The following GPC5 variants were observed in gnomAD, a reference collection of about 807,000 sequenced individuals.
GPC5 encodes glypican 5, also known as glypican-5.
GPC5 carries 47 observed loss-of-function variants against 53.9 expected under a neutral mutation model. The observed-to-expected ratio is 0.87, with a 90% confidence interval of 0.69 to 1.11. The LOEUF (loss-of-function observed/expected upper bound fraction) is 1.11, where lower values mean the gene tolerates loss of function less well. Ranked by LOEUF, GPC5 falls within the 50% of genes most tolerant of loss-of-function variation. The probability of loss-of-function intolerance (pLI) is 0.00; values close to 1 mark genes in which losing one functional copy is unlikely to be tolerated. For missense variants in GPC5, 748 were observed against 713.1 expected, an observed-to-expected ratio of 1.05 and a Z score of -0.56; for synonymous variants, 286 against 263.3, an observed-to-expected ratio of 1.09 and a Z score of -0.84.
At chr13:92,706,473 GA>G (rs1887955491) in intron 7 of GPC5, among the ~76,000 whole-genome samples, 1 of 152,030 alleles carries the variant, frequency 6.6e-6, no homozygotes, top group African/African-American at 2.4e-5. Context: ...ACTAGTGTTG[GA>G]AAATGAAGGT....
At chr13:92,560,867 G>GTGTGTGTGTT (rs1555290512) in intron 7 of GPC5, among the ~76,000 whole-genome samples, 1 of 149,254 alleles carries the variant, frequency 6.7e-6, no homozygotes, top group Non-Finnish European at 1.5e-5. Flanking sequence ...ATGTGTGTGT[G>GTGTGTGTGTT]TGTGTGTGTG....
At chr13:92,795,229 C>T (rs1876625444) in intron 7 of GPC5, among the ~76,000 whole-genome samples, 1 of 152,036 alleles carries the variant, frequency 6.6e-6, no homozygotes, top group Admixed American at 6.6e-5. Context: ...TAAATAACAC[C>T]ACACATCTAC....
At chr13:92,149,887 A>G (rs1189826582) in intron 7 of GPC5, among the ~76,000 whole-genome samples, 3 of 151,956 alleles carry the variant, frequency 2.0e-5, no homozygotes, top group Non-Finnish European at 4.4e-5. Context: ...TTTTTTTCCT[A>G]TCAATATGAG....
chr13:92,827,920 A>G (rs376939578), intron 7 of GPC5, among the ~76,000 whole-genome samples: 2 of 152,114 alleles, frequency 1.3e-5, no homozygotes, highest in Admixed American at 6.6e-5. Flanking sequence ...ACATTTCCAG[A>G]TGAAAGGACA....
intron 6 of GPC5, among the ~76,000 whole-genome samples, chr13:92,036,397 G>A (rs1349447916): frequency 1.3e-5 from 2 of 152,106 alleles, no homozygotes; most frequent in South Asian, 2.1e-4. Context: ...AAAATAAATA[G>A]CATATTTCTG....
chr13:92,558,061 T>G (rs930914728), intron 7 of GPC5, among the ~76,000 whole-genome samples: 6 of 152,030 alleles, frequency 3.9e-5, no homozygotes, highest in African/African-American at 1.4e-4. Flanking sequence ...AAAGAAGATT[T>G]ATTTACATCA....
chr13:91,526,846 T>C (rs1480493577), intron 2 of GPC5, among the ~76,000 whole-genome samples: 3 of 152,166 alleles, frequency 2.0e-5, no homozygotes, highest in Non-Finnish European at 1.5e-5. Flanking sequence ...AGGCATGTCT[T>C]ACGTGGCAGC....
rs138087407 is a variant in GPC5 at position 91,978,547 on chromosome 13, A to C, written c.1401+70490A>C. ...AAGTGAGGCTAGGCTACTGTGGATA[A>C]GTTTTGGAGGGAAGGCCTCTCTAGC... On this transcript the variant is annotated intron_variant, in intron 6 of 7. Transcript: ENST00000377067. 8.3e-3 allele frequency among the ~76,000 whole-genome samples: 1,258 copies of C among 152,300 alleles called. 14 individuals are homozygous for C. Among genetic ancestry groups the C allele is most frequent in the Middle Eastern group, 0.027 (8 of 294 alleles).
At chr13:92,845,476 C>T (rs1208013996) in intron 7 of GPC5, among the ~76,000 whole-genome samples, 1 of 152,168 alleles carries the variant, frequency 6.6e-6, no homozygotes, top group Non-Finnish European at 1.5e-5. Flanking sequence ...TTTGAAGACA[C>T]ACAGAGGTTT....
At chr13:91,775,791 A>G (rs2037701988) in intron 5 of GPC5, among the ~76,000 whole-genome samples, 1 of 152,166 alleles carries the variant, frequency 6.6e-6, no homozygotes, top group Non-Finnish European at 1.5e-5. Context: ...TTCTTTTACT[A>G]GATTACTCCA....
At chr13:91,718,372 A>G (rs1304824085) in intron 3 of GPC5, among the ~76,000 whole-genome samples, 3 of 151,646 alleles carry the variant, frequency 2.0e-5, no homozygotes, top group African/African-American at 7.3e-5. Flanking sequence ...GGCCTCCCAA[A>G]GTGCTGGGAT....
At chr13:92,427,435 G>T (rs765722667) in intron 7 of GPC5, among the ~76,000 whole-genome samples, 43 of 149,786 alleles carry the variant, frequency 2.9e-4, no homozygotes, top group Non-Finnish European at 1.8e-4. Flanking sequence ...TTGGAACTTA[G>T]CTCGGATATA....
At position 92,643,176 on chromosome 13, in the gene GPC5, C is replaced by G. The variant is rs60377896; in HGVS notation, c.1562-223106C>G. The stretch of plus-strand genomic sequence containing the variant: ...AAATTTTCTCCCATTTTGTAGGTTG[C>G]CTGTTCACTCTGATGGTAGTTTCTT... On this transcript the variant is annotated intron_variant, in intron 7 of 7. Transcript: ENST00000377067. Among the ~76,000 whole-genome samples the G allele has an allele frequency of 5.9e-5, 9 of 152,034 alleles. No homozygotes were observed. In the East Asian group the frequency reaches 1.4e-3, roughly 23 times the overall value.
At chr13:92,054,149 GGT>G (rs141324926) in intron 6 of GPC5, among the ~76,000 whole-genome samples, 4,047 of 145,886 alleles carry the variant, frequency 0.028, 119 homozygotes, top group African/African-American at 0.068. Flanking sequence ...ACTTTGGAGG[GGT>G]GTGTGTGTGT....
At chr13:91,986,573 G>C (rs952987994) in intron 6 of GPC5, among the ~76,000 whole-genome samples, 2 of 152,134 alleles carry the variant, frequency 1.3e-5, no homozygotes, top group African/African-American at 4.8e-5. Context: ...CAGCAAGCAT[G>C]ACATGACTCC....
At chr13:91,488,586 A>G (rs904045065) in intron 2 of GPC5, among the ~76,000 whole-genome samples, 2 of 152,210 alleles carry the variant, frequency 1.3e-5, no homozygotes, top group Non-Finnish European at 2.9e-5. Flanking sequence ...TTTCATGGAC[A>G]CTTACCACTT....
intron 5 of GPC5, among the ~76,000 whole-genome samples, chr13:91,788,844 C>T (rs2037918517): frequency 6.6e-6 from 1 of 152,086 alleles, no homozygotes; most frequent in African/African-American, 2.4e-5. Flanking sequence ...TAAAAGGAAA[C>T]TTTGTGTTAC....
At chr13:92,153,972 A>T (rs1293816054) in intron 7 of GPC5, among the ~76,000 whole-genome samples, 1 of 152,176 alleles carries the variant, frequency 6.6e-6, no homozygotes, top group Admixed American at 6.6e-5. Context: ...TGTTGTAAAG[A>T]AGTATCTAAG....
chr13:92,180,090 G>A (rs948638417), intron 7 of GPC5, among the ~76,000 whole-genome samples: 1 of 152,112 alleles, frequency 6.6e-6, no homozygotes, highest in African/African-American at 2.4e-5. Flanking sequence ...TTATTTTTTA[G>A]CATTCAAGGC....
Sources: gnomAD v4.1 joint callset for allele counts (sites outside exome capture counted in the v4.1 genomes callset) on GRCh38, gnomAD v4.1.1 for gene constraint, MANE v1.5 for transcripts, NCBI Gene and HGNC (gene_info 2026-07-23, HGNC 2026-07-21) for gene names.